ATP1B3: variants seen among roughly 807,000 people sequenced by gnomAD.
ATP1B3 encodes ATPase Na+/K+ transporting subunit beta 3, also known as sodium/potassium-transporting ATPase subunit beta-3.
In ATP1B3, 10 loss-of-function variants were observed where a neutral mutation model predicts 30.2. The ratio of observed to expected loss-of-function variants is 0.33; its 90% CI spans 0.20 to 0.56. ATP1B3 has a LOEUF of 0.56. Among genes scored for constraint, ATP1B3 ranks in the 20% least tolerant of loss-of-function variants. The pLI is 0.90. For synonymous variants in ATP1B3, 113 were observed against 117.0 expected (o/e 0.97, Z 0.22); for missense variants, 238 against 336.7 (o/e 0.71, Z 2.29).
chr3:141,889,766 C>A (rs551076621), intron 1 of ATP1B3, among the ~76,000 whole-genome samples: 3 of 113,198 alleles, frequency 2.7e-5, no homozygotes, highest in South Asian at 2.7e-4. Context: ...TACACACACA[C>A]ACACACACAC....
Position 141,907,279 on chromosome 3 carries a change from GTA to G in ATP1B3, c.346+7_346+8del. On this transcript the variant is annotated splice_donor_region_variant and intron_variant, in intron 3 of 6. Coordinates refer to ENST00000286371, the MANE Select transcript of ATP1B3 (RefSeq NM_001679.4). ...ACCTTAAGAAGTTTCTAAAACGTGA[GTA>G]TGTTTTCTTAGAGTAAGGTCAGAGA... is the stretch of plus-strand genomic sequence containing the variant. 6.2e-7 allele frequency: 1 copy of G among 1,601,912 alleles called. No homozygotes were observed. The highest frequency in any genetic ancestry group is 8.5e-7 in the Non-Finnish European group (1 of 1,172,054).
intron 1 of ATP1B3, among the ~76,000 whole-genome samples, chr3:141,900,977 T>A (rs930206791): frequency 2.0e-5 from 3 of 152,108 alleles, no homozygotes; most frequent in African/African-American, 7.2e-5. Context: ...GAGACAGGGT[T>A]TCATCATATT....
intron 1 of ATP1B3, among the ~76,000 whole-genome samples, chr3:141,882,819 C>T (rs1171228114): frequency 6.6e-6 from 1 of 152,178 alleles, no homozygotes; most frequent in Non-Finnish European, 1.5e-5. Flanking sequence ...CTCCTGACCT[C>T]AGGTGATCCA....
At chr3:141,909,007 G>C (rs1390570986) in intron 3 of ATP1B3, among the ~76,000 whole-genome samples, 1 of 152,092 alleles carries the variant, frequency 6.6e-6, no homozygotes, top group African/African-American at 2.4e-5. Flanking sequence ...GAAACATACT[G>C]TGTACTCTCT....
intron 1 of ATP1B3, among the ~76,000 whole-genome samples, chr3:141,896,739 A>G (rs1333144808): frequency 6.6e-6 from 1 of 152,066 alleles, no homozygotes; most frequent in African/African-American, 2.4e-5. Flanking sequence ...TATGATATCT[A>G]ATTTTTAAAA....
intron 6 of ATP1B3, among the ~76,000 whole-genome samples, chr3:141,923,350 G>A (rs567441408): frequency 5.5e-4 from 84 of 152,096 alleles, no homozygotes; most frequent in Admixed American, 1.2e-3. Context: ...ATAAGAAGAG[G>A]AAGAGAGACC....
intron 3 of ATP1B3, among the ~76,000 whole-genome samples, chr3:141,909,924 G>C (rs1934331057): frequency 1.3e-5 from 2 of 152,302 alleles, no homozygotes; most frequent in South Asian, 2.1e-4. Flanking sequence ...TGGCAAGGGA[G>C]AGAGCAATGA....
At chr3:141,903,919 G>A (rs1408032589) in intron 2 of ATP1B3, among the ~76,000 whole-genome samples, 171 bp downstream of exon 2, 1 of 152,078 alleles carries the variant, frequency 6.6e-6, no homozygotes. Context: ...TAAGTAGCTG[G>A]GATTACAGGC....
intron 3 of ATP1B3, among the ~76,000 whole-genome samples, chr3:141,912,435 G>A (rs1225910551): frequency 6.6e-6 from 1 of 152,014 alleles, no homozygotes; most frequent in Non-Finnish European, 1.5e-5. Flanking sequence ...ATTTTTTTGT[G>A]TATTTTTAGT....
intron 1 of ATP1B3, among the ~76,000 whole-genome samples, chr3:141,881,226 A>G (rs2107926355): frequency 6.6e-6 from 1 of 151,886 alleles, no homozygotes; most frequent in African/African-American, 2.4e-5. Context: ...AAAGAAAAGA[A>G]AAACCAACTA....
chr3:141,912,790 A>G (rs1408306869), intron 3 of ATP1B3, among the ~76,000 whole-genome samples: 1 of 151,940 alleles, frequency 6.6e-6, no homozygotes, highest in East Asian at 1.9e-4. Flanking sequence ...TCTGTTGCAT[A>G]TTTCTCCTCC....
intron 1 of ATP1B3, among the ~76,000 whole-genome samples, chr3:141,887,487 A>G (rs1933858467): frequency 6.6e-6 from 1 of 152,218 alleles, no homozygotes; most frequent in African/African-American, 2.4e-5. Context: ...TGGCATATCC[A>G]TAAAGGTCCG....
At chr3:141,891,868 T>A (rs1258124930) in intron 1 of ATP1B3, among the ~76,000 whole-genome samples, 2 of 151,932 alleles carry the variant, frequency 1.3e-5, no homozygotes, top group Non-Finnish European at 2.9e-5. Flanking sequence ...GTATTTATTT[T>A]GAGATGTTAG....
intron 6 of ATP1B3, among the ~76,000 whole-genome samples, chr3:141,925,087 T>A (rs1350923814): frequency 6.6e-6 from 1 of 152,044 alleles, no homozygotes; most frequent in Non-Finnish European, 1.5e-5. Context: ...AGTCAACATT[T>A]TTATCAGTAA....
intron 1 of ATP1B3, among the ~76,000 whole-genome samples, chr3:141,885,813 A>C (rs752034657): frequency 2.6e-5 from 4 of 151,420 alleles, no homozygotes; most frequent in Non-Finnish European, 5.9e-5. Context: ...AGATCTTTGT[A>C]ATTGTTTCAC....
At chr3:141,920,458 A>T (rs1934546447) in intron 5 of ATP1B3, among the ~76,000 whole-genome samples, 1 of 151,860 alleles carries the variant, frequency 6.6e-6, no homozygotes, top group Admixed American at 6.6e-5. Context: ...ACCCGGGAGG[A>T]GGAGGCTGCA....
intron 3 of ATP1B3, among the ~76,000 whole-genome samples, chr3:141,907,629 G>A (rs1463482073): frequency 2.0e-5 from 3 of 150,104 alleles, no homozygotes; most frequent in East Asian, 1.9e-4. Context: ...CAACAAGAGC[G>A]AAACTCCGTC....
Position 141,879,609 on chromosome 3 carries a change from TAAAAATG to T in ATP1B3, c.109+2705_109+2711del, listed in dbSNP as rs1933680837. ...CAACATGGTGAAACCCTGTCTCTAC[TAAAAATG>T]AAAAAAAAAAAAATTAGCCGGGTGT... On this transcript the variant is annotated intron_variant, in intron 1 of 6. Transcript: ENST00000286371. Among the ~76,000 whole-genome samples the T allele has an allele frequency of 2.0e-5, 3 of 149,742 alleles. No individual in the cohort carries two copies. The South Asian group carries it at 6.3e-4, about 32-fold the overall frequency.
Position 141,903,760 on chromosome 3 carries a change from G to C in ATP1B3, c.238+12G>C. ...GATTCCTAGCCCAGGTAATTATCTTGCAGTTATGACTTTGTTTTTTGTTTT... is the reference window on the plus strand; with the variant it reads ...GATTCCTAGCCCAGGTAATTATCTTCCAGTTATGACTTTGTTTTTTGTTTT... On this transcript the variant is annotated intron_variant, in intron 2 of 6. Coordinates refer to ENST00000286371, the MANE Select transcript of ATP1B3 (RefSeq NM_001679.4). The C allele has an allele frequency of 6.2e-7, 1 of 1,611,040 alleles. No homozygotes were observed. The highest frequency in any genetic ancestry group is 8.5e-7 in the Non-Finnish European group (1 of 1,178,878).
Sources: gnomAD v4.1 joint callset for allele counts (sites outside exome capture counted in the v4.1 genomes callset) on GRCh38, gnomAD v4.1.1 for gene constraint, MANE v1.5 for transcripts, NCBI Gene and HGNC (gene_info 2026-07-23, HGNC 2026-07-21) for gene names.